The following SLC2A14 variants were observed in gnomAD, a reference collection of about 807,000 sequenced individuals.
SLC2A14 encodes the protein solute carrier family 2 member 14, also known as solute carrier family 2, facilitated glucose transporter member 14.
A neutral mutation model predicts 43.0 loss-of-function variants in SLC2A14; 13 were observed. The observed-to-expected ratio is 0.30, with a 90% CI of 0.20 to 0.48. SLC2A14 has a LOEUF of 0.48. Among genes scored for constraint, SLC2A14 ranks in the 20% least tolerant of loss-of-function variants. The pLI is 0.99. For synonymous variants in SLC2A14, 190 were observed against 233.8 expected, an observed-to-expected ratio of 0.81 and a Z score of 1.71; for missense variants, 428 against 620.4, an observed-to-expected ratio of 0.69 and a Z score of 3.29.
chr12:7,868,557 G>C (rs1217727692), intron 2 of SLC2A14, among the ~76,000 whole-genome samples: 3 of 152,006 alleles, frequency 2.0e-5, no homozygotes, highest in Non-Finnish European at 4.4e-5. Flanking sequence ...CTCTATCAGG[G>C]TAGTCATAGG....
intron 2 of SLC2A14, among the ~76,000 whole-genome samples, chr12:7,842,963 G>C (rs1866102999): frequency 6.6e-6 from 1 of 151,930 alleles, no homozygotes; most frequent in Non-Finnish European, 1.5e-5. Flanking sequence ...CCCGACCTCA[G>C]GTGATCCGCC....
intron 7 of SLC2A14, among the ~76,000 whole-genome samples, chr12:7,823,368 G>A (rs1252247117): frequency 3.5e-5 from 5 of 144,226 alleles, no homozygotes; most frequent in Non-Finnish European, 4.5e-5. Context: ...GGGCAACAGA[G>A]CGAGACTCCA....
chr12:7,827,734 T>C (rs1864621258), intron 6 of SLC2A14, 52 bp from the exon 7 acceptor site: 1 of 1,416,070 alleles, frequency 7.1e-7, no homozygotes, highest in Non-Finnish European at 9.4e-7. Flanking sequence ...TGCCCCAAAT[T>C]CATTCTTCCT....
intron 2 of SLC2A14, among the ~76,000 whole-genome samples, chr12:7,844,646 C>T (rs928980484): frequency 3.3e-5 from 5 of 151,516 alleles, no homozygotes; most frequent in South Asian, 2.1e-4. Context: ...AAGCAGTTTT[C>T]GTGCCTCAGC....
At chr12:7,867,855 A>AC (rs1945010480) in intron 2 of SLC2A14, among the ~76,000 whole-genome samples, 1 of 152,002 alleles carries the variant, frequency 6.6e-6, no homozygotes, top group East Asian at 1.9e-4. Context: ...AAAAAAAAAA[A>AC]AAAAAAGGAA....
intron 1 of SLC2A14, among the ~76,000 whole-genome samples, chr12:7,879,872 G>A (rs763256831): frequency 1.3e-5 from 2 of 151,440 alleles, no homozygotes; most frequent in East Asian, 2.0e-4. Context: ...CAGACATTGT[G>A]GTTCCTGCCT....
chr12:7,826,880 T>C (rs760477249), intron 7 of SLC2A14, among the ~76,000 whole-genome samples: 11,950 of 63,772 alleles, frequency 0.19, 2,142 homozygotes, highest in Middle Eastern at 0.26. Context: ...TTTCTTTCTT[T>C]CTTTCTTTCT....
At chr12:7,847,858 T>C (rs1032598735) in intron 2 of SLC2A14, among the ~76,000 whole-genome samples, 3 of 151,998 alleles carry the variant, frequency 2.0e-5, no homozygotes, top group Non-Finnish European at 4.4e-5. Flanking sequence ...TAGGTGAGAA[T>C]TGAGAGAGTC....
In SLC2A14 at chr12:7,814,443, C is replaced by T; in HGVS notation, c.1367G>A (p.Gly456Asp). The T allele has an allele frequency of 6.2e-7, 1 of 1,613,490 alleles. No homozygotes were observed. Among genetic ancestry groups the T allele is most frequent in the Middle Eastern group, 1.7e-4 (1 of 6,056 alleles). ...FTFFKVPETR[G>D]RTFEDITRAF... ...CCGTGTGATATCCTCAAAAGTCCTG[C>T]CACGGGTCTCAGGGACTTTGAAGAA... Residue 456 changes from glycine to aspartate, a missense_variant, in exon 11 of 11, where the codon GGC becomes GAC. Physicochemically the swap from Gly to Asp is moderately conservative, Grantham distance 94. Around this residue, in one of 4 missense-constraint regions of SLC2A14, gnomAD observed 119 missense variants for 188.7 expected, o/e 0.63. Transcript: ENST00000431042.
intron 2 of SLC2A14, among the ~76,000 whole-genome samples, chr12:7,850,044 A>G (rs1866800053): frequency 6.6e-6 from 1 of 151,812 alleles, no homozygotes; most frequent in Non-Finnish European, 1.5e-5. Flanking sequence ...AAAAAAAAAA[A>G]AGAGCCAAGA....
intron 3 of SLC2A14, among the ~76,000 whole-genome samples, chr12:7,832,285 A>C (rs1865106494): frequency 6.6e-6 from 1 of 152,108 alleles, no homozygotes; most frequent in Non-Finnish European, 1.5e-5. Context: ...ACTGATGTTC[A>C]CCCCAGCCCT....
chr12:7,876,303 A>AAAAAAAAAAAAG (rs1555149216), upstream of SLC2A14, among the ~76,000 whole-genome samples: 43 of 133,722 alleles, frequency 3.2e-4, no homozygotes, highest in African/African-American at 1.1e-3. Flanking sequence ...AAAAAAAAAA[A>AAAAAAAAAAAAG]AGAGAGACAA....
At chr12:7,862,677 T>C (rs752121592) in intron 2 of SLC2A14, among the ~76,000 whole-genome samples, 1 of 152,254 alleles carries the variant, frequency 6.6e-6, no homozygotes, top group South Asian at 2.1e-4. Flanking sequence ...GGAGAACCTT[T>C]ATGTCTAGCT....
At chr12:7,870,900 C>T in intron 1 of SLC2A14, 1 of 1,383,164 alleles carries the variant, frequency 7.2e-7, no homozygotes, top group South Asian at 1.2e-5. Context: ...GCGACCACAG[C>T]ACAAGGGGCC....
At chr12:7,865,910 G>A (rs1944878358) in intron 2 of SLC2A14, among the ~76,000 whole-genome samples, 1 of 152,084 alleles carries the variant, frequency 6.6e-6, no homozygotes, top group Admixed American at 6.6e-5. Context: ...TGCTACTCCA[G>A]TGAACACACT....
intron 7 of SLC2A14, among the ~76,000 whole-genome samples, chr12:7,825,865 A>G (rs954550213): frequency 3.3e-5 from 5 of 151,750 alleles, no homozygotes; most frequent in African/African-American, 4.8e-5. Flanking sequence ...CTCATGGATC[A>G]TCTGTAATTT....
intron 2 of SLC2A14, among the ~76,000 whole-genome samples, chr12:7,836,192 A>C (rs1398593899): frequency 6.6e-6 from 1 of 151,748 alleles, no homozygotes; most frequent in Admixed American, 6.6e-5. Context: ...AGTACTGTCC[A>C]ATACAAATAT....
chr12:7,867,426 CT>C (rs1944987421), intron 2 of SLC2A14, among the ~76,000 whole-genome samples: 1 of 151,752 alleles, frequency 6.6e-6, no homozygotes, highest in South Asian at 2.1e-4. Flanking sequence ...GAGGAAGTAA[CT>C]GTAGATGTGG....
At chr12:7,826,873 C>CCT (rs1555121771) in intron 7 of SLC2A14, among the ~76,000 whole-genome samples, 6 of 19,968 alleles carry the variant, frequency 3.0e-4, no homozygotes, top group Admixed American at 5.9e-4. Context: ...TTCTTTCTTT[C>CCT]TTTCTTTCTT....
Sources: allele counts gnomAD v4.1 joint callset (sites outside exome capture counted in the v4.1 genomes callset), GRCh38; gene constraint gnomAD v4.1.1; regional missense constraint gnomAD v4.1.1; transcripts MANE v1.5; gene names NCBI Gene and HGNC (gene_info 2026-07-23, HGNC 2026-07-21).